Variants in TAPT1 observed in about 807,000 individuals in gnomAD.
TAPT1 encodes transmembrane anterior posterior transformation 1.
TAPT1 carries 28 observed loss-of-function variants against 65.6 expected under a neutral mutation model. The observed-to-expected ratio is 0.43, with a 90% CI of 0.32 to 0.59. TAPT1 has a LOEUF of 0.59. Ranked by LOEUF, TAPT1 falls within the 20% of genes least tolerant of loss-of-function variation. TAPT1 has a pLI of 0.09. For missense variants in TAPT1, 563 were observed against 679.9 expected (o/e 0.83, Z 1.91); for synonymous variants, 278 against 245.2 (o/e 1.13, Z -1.25).
At chr4:16,169,266 T>C (rs144588264) in intron 12 of TAPT1, among the ~76,000 whole-genome samples, 1 of 152,346 alleles carries the variant, frequency 6.6e-6, no homozygotes, top group African/African-American at 2.4e-5. Flanking sequence ...CACATACCCC[T>C]GGATGAACTA....
intron 8 of TAPT1, 192 bp downstream of exon 8, chr4:16,179,385 C>A: frequency 2.2e-6 from 1 of 452,532 alleles, no homozygotes; most frequent in African/African-American, 2.1e-5. Context: ...TCTTATGGGA[C>A]CACCATCGTA....
intron 9 of TAPT1, 154 bp from the exon 10 acceptor site, chr4:16,174,883 CTACAG>C (rs1748228543): frequency 1.9e-6 from 1 of 531,270 alleles, no homozygotes; most frequent in African/African-American, 2.0e-5. Context: ...ATTTGTTTTC[CTACAG>C]TAAAGGTAAA....
intron 2 of TAPT1, 99 bp downstream of exon 2, chr4:16,213,669 T>C: frequency 9.4e-7 from 1 of 1,068,350 alleles, no homozygotes; most frequent in Non-Finnish European, 1.3e-6. Context: ...ATTTCAATTA[T>C]TTAAAAAACT....
In TAPT1 at chr4:16,161,768, T is replaced by A. The variant is rs1747263661; in HGVS notation, c.*1540A>T. On this transcript the variant is annotated 3_prime_UTR_variant, in exon 14 of 14. Coordinates refer to ENST00000405303, the MANE Select transcript of TAPT1 (RefSeq NM_153365.3). ...ATTAAAATTCACTTACTTTTTTGTA[T>A]TTCAAATGAACAAGTCAGAACATTA... 2.0e-5 allele frequency: 3 copies of A among 152,254 alleles called. No individual in the cohort carries two copies. The highest frequency in any genetic ancestry group is 4.4e-5 in the Non-Finnish European group (3 of 68,044). The allele number at this position is 152,254 out of a possible 1,614,324, so 9.4% of individuals were successfully genotyped here.
intron 2 of TAPT1, among the ~76,000 whole-genome samples, chr4:16,206,618 A>G (rs1418741487): frequency 3.3e-5 from 5 of 152,096 alleles, no homozygotes; most frequent in Non-Finnish European, 4.4e-5. Context: ...GGGAGTGGTC[A>G]GCACGAAGCA....
rs1317383965 is a variant in TAPT1, at chr4:16,174,192, G to C, written c.1236+12C>G. The C allele has an allele frequency of 6.3e-7, 1 of 1,584,738 alleles. No individual in the cohort carries two copies. The highest frequency in any genetic ancestry group is 8.6e-7 in the Non-Finnish European group (1 of 1,162,188). On this transcript the variant is annotated intron_variant, in intron 11 of 13. Coordinates refer to ENST00000405303, the MANE Select transcript of TAPT1 (RefSeq NM_153365.3). The stretch of plus-strand genomic sequence containing the variant: ...ACTTTGTTACAAAAAACATTAAAAA[G>C]TATGCACTTACTAAAACAGCTAGTG...
chr4:16,198,796 C>A (rs1286608369), intron 3 of TAPT1, among the ~76,000 whole-genome samples: 2 of 152,110 alleles, frequency 1.3e-5, no homozygotes, highest in Non-Finnish European at 2.9e-5. Context: ...TCTAAATAAT[C>A]ATTTGGTAAA....
At chr4:16,165,740 C>A (rs1474089695) in intron 13 of TAPT1, among the ~76,000 whole-genome samples, 2 of 152,168 alleles carry the variant, frequency 1.3e-5, no homozygotes, top group Non-Finnish European at 2.9e-5. Flanking sequence ...ATTCTTCTCA[C>A]ACTGCATAAC....
At chr4:16,201,910 C>T (rs371988681) in intron 3 of TAPT1, among the ~76,000 whole-genome samples, 21 of 152,232 alleles carry the variant, frequency 1.4e-4, no homozygotes, top group Admixed American at 6.5e-4. Flanking sequence ...TGATCTTCCC[C>T]GTGGGGACAA....
At chr4:16,227,313 T>C (rs1322589294), upstream of TAPT1, 3 of 456,128 alleles carry the variant, frequency 6.6e-6, no homozygotes, top group Admixed American at 7.0e-5. Flanking sequence ...CCTTACTTTG[T>C]CGCTTTACTT....
intron 12 of TAPT1, among the ~76,000 whole-genome samples, chr4:16,167,655 T>G (rs1244261437): frequency 6.6e-6 from 1 of 152,204 alleles, no homozygotes; most frequent in Non-Finnish European, 1.5e-5. Context: ...GGCAAGCTAC[T>G]TAATCAGCTA....
chr4:16,173,232 A>C (rs1748116800), intron 11 of TAPT1, among the ~76,000 whole-genome samples: 1 of 152,064 alleles, frequency 6.6e-6, no homozygotes, highest in South Asian at 2.1e-4. Context: ...AGTAGCTAGG[A>C]CTACAGGTGC....
At chr4:16,198,472 T>G (rs777892067) in intron 3 of TAPT1, among the ~76,000 whole-genome samples, 3 of 152,072 alleles carry the variant, frequency 2.0e-5, no homozygotes, top group Non-Finnish European at 2.9e-5. Flanking sequence ...ATGGACTGTT[T>G]CCTCCCTTTT....
At chr4:16,210,742 G>A (rs994634591) in intron 2 of TAPT1, among the ~76,000 whole-genome samples, 2 of 152,044 alleles carry the variant, frequency 1.3e-5, no homozygotes, top group African/African-American at 4.8e-5. Flanking sequence ...CTCCTTGGTT[G>A]TATAAAAAAG....
chr4:16,215,679 C>A (rs1750899498), intron 1 of TAPT1, among the ~76,000 whole-genome samples: 1 of 152,150 alleles, frequency 6.6e-6, no homozygotes, highest in Non-Finnish European at 1.5e-5. Context: ...AATACATTTA[C>A]AGTTGAAGTC....
At chr4:16,177,101 T>C (rs1424398667) in intron 8 of TAPT1, among the ~76,000 whole-genome samples, 1 of 152,234 alleles carries the variant, frequency 6.6e-6, no homozygotes, top group Non-Finnish European at 1.5e-5. Flanking sequence ...TAGTTTACAA[T>C]AATCTACTGT....
chr4:16,227,367 A>G (rs144974565), upstream of TAPT1: 1 of 452,836 alleles, frequency 2.2e-6, no homozygotes, highest in African/African-American at 2.0e-5. Flanking sequence ...TGACCCCGCA[A>G]CGAGCGTGGT....
chr4:16,211,391 T>C (rs769020414), intron 2 of TAPT1, among the ~76,000 whole-genome samples: 7 of 152,220 alleles, frequency 4.6e-5, no homozygotes, highest in African/African-American at 7.2e-5. Context: ...GCCTTAAAGA[T>C]AGCAGAGTGA....
At position 16,191,371 on chromosome 4, in the gene TAPT1, T is replaced by G; in HGVS notation, c.602A>C (p.Asn201Thr). 6.2e-7 allele frequency: 1 copy of G among 1,601,008 alleles called. No individual in the cohort carries two copies. Among genetic ancestry groups the G allele is most frequent in the African/African-American group, 1.3e-5 (1 of 74,800 alleles). Residue 201 changes from asparagine (N) to threonine (T), a missense_variant, in exon 4 of 14, where the codon AAC (asparagine) becomes ACC (threonine). Physicochemically the swap from Asn to Thr is moderately conservative, Grantham distance 65. This residue lies in a region of TAPT1 where 217 missense variants were observed against 317.5 expected (regional missense o/e 0.68). Transcript: ENST00000405303. ...QSVIKLYIIY[N>T]MLEVADRLFS... Reference sequence around the variant, plus strand: ...AAGCAAGGCCCTTACCTCCAGCATGTTGTAGATGATGTAGAGCTTGATGAC... The same window carrying G: ...AAGCAAGGCCCTTACCTCCAGCATGGTGTAGATGATGTAGAGCTTGATGAC...
Sources: gnomAD v4.1 joint callset for allele counts (sites outside exome capture counted in the v4.1 genomes callset) on GRCh38, gnomAD v4.1.1 for gene constraint, gnomAD v4.1.1 regional missense constraint, MANE v1.5 for transcripts, NCBI Gene and HGNC (gene_info 2026-07-23, HGNC 2026-07-21) for gene names.